The following STPG2 variants were observed in gnomAD, a reference collection of about 807,000 sequenced individuals.
STPG2 encodes the protein sperm tail PG-rich repeat containing 2, also known as sperm-tail PG-rich repeat-containing protein 2.
In STPG2, 56 loss-of-function variants were observed where a neutral mutation model predicts 54.2. That is an observed-to-expected ratio of 1.03 (90% CI 0.83 to 1.29). STPG2 has a LOEUF of 1.29. STPG2 is among the 50% of genes most tolerant of loss of function. The pLI is 0.00. For synonymous variants in STPG2, 200 were observed against 181.8 expected, an observed-to-expected ratio of 1.10 and a Z score of -0.81; for missense variants, 596 against 544.9, an observed-to-expected ratio of 1.09 and a Z score of -0.93.
chr4:98,063,379 G>A (rs965648095), intron 5 of STPG2, among the ~76,000 whole-genome samples: 7 of 151,944 alleles, frequency 4.6e-5, no homozygotes, highest in Non-Finnish European at 1.0e-4. Context: ...AACACGGGAG[G>A]TGGAGATTGC....
intron 9 of STPG2, among the ~76,000 whole-genome samples, chr4:97,797,264 C>T (rs1316907140): frequency 6.6e-6 from 1 of 152,156 alleles, no homozygotes; most frequent in Non-Finnish European, 1.5e-5. Context: ...CTGTCTTGTG[C>T]CAGTTTTCAA....
intron 5 of STPG2, among the ~76,000 whole-genome samples, chr4:98,020,693 A>C (rs1197513440): frequency 6.6e-6 from 1 of 152,160 alleles, no homozygotes; most frequent in Non-Finnish European, 1.5e-5. Context: ...CCACAATTTC[A>C]GATCCTGTTA....
intron 10 of STPG2, among the ~76,000 whole-genome samples, chr4:97,616,898 G>A (rs1268581281): frequency 6.6e-6 from 1 of 152,016 alleles, no homozygotes. Flanking sequence ...TTGTTTTCAG[G>A]AAGAAAGGGG....
intron 10 of STPG2, among the ~76,000 whole-genome samples, chr4:97,565,434 C>T (rs1054775917): frequency 2.6e-5 from 4 of 152,200 alleles, no homozygotes; most frequent in African/African-American, 4.8e-5. Flanking sequence ...TCTCTCAACT[C>T]GTCAAAGTCA....
At chr4:97,753,682 C>T (rs763915042) in intron 9 of STPG2, among the ~76,000 whole-genome samples, 1 of 151,988 alleles carries the variant, frequency 6.6e-6, no homozygotes, top group Non-Finnish European at 1.5e-5. Context: ...CTAGCCAGCA[C>T]TTATTTTCCA....
intron 9 of STPG2, among the ~76,000 whole-genome samples, chr4:97,736,853 G>A (rs566999058): frequency 6.6e-6 from 1 of 152,250 alleles, no homozygotes; most frequent in South Asian, 2.1e-4. Context: ...TTTGAAGAGA[G>A]CAGTGGTTCT....
chr4:97,626,313 ACT>A (rs1734137191), intron 10 of STPG2, among the ~76,000 whole-genome samples: 1 of 152,108 alleles, frequency 6.6e-6, no homozygotes, highest in Non-Finnish European at 1.5e-5. Flanking sequence ...CAGACTTTAC[ACT>A]TTCTTTCCTT....
chr4:97,789,209 GA>G (rs1463875752), intron 9 of STPG2, among the ~76,000 whole-genome samples: 3 of 151,342 alleles, frequency 2.0e-5, no homozygotes, highest in Non-Finnish European at 3.0e-5. Flanking sequence ...GAAATTAAGA[GA>G]AAAAAAGAGG....
chr4:97,854,039 T>C (rs184681232), intron 8 of STPG2, among the ~76,000 whole-genome samples: 53 of 152,266 alleles, frequency 3.5e-4, no homozygotes, highest in Non-Finnish European at 1.5e-5. Context: ...TTCCCCAGGC[T>C]GGTCTTGAAC....
chr4:97,782,007 C>A (rs1277722602), intron 9 of STPG2, among the ~76,000 whole-genome samples: 1 of 152,188 alleles, frequency 6.6e-6, no homozygotes, highest in African/African-American at 2.4e-5. Flanking sequence ...GAAGCATTCC[C>A]TTTGAAAACT....
chr4:97,754,577 C>T (rs970586300), intron 9 of STPG2, among the ~76,000 whole-genome samples: 11 of 151,834 alleles, frequency 7.2e-5, no homozygotes, highest in African/African-American at 1.9e-4. Context: ...AGTCTGAATC[C>T]CCATACTCAG....
intron 10 of STPG2, among the ~76,000 whole-genome samples, chr4:97,606,117 A>G (rs1180668822): frequency 6.6e-6 from 1 of 151,858 alleles, no homozygotes; most frequent in Non-Finnish European, 1.5e-5. Context: ...GATGCTGATG[A>G]TGCCTATTTT....
chr4:97,923,305 C>A (rs900638309), intron 8 of STPG2, among the ~76,000 whole-genome samples: 5 of 151,746 alleles, frequency 3.3e-5, no homozygotes, highest in African/African-American at 7.3e-5. Context: ...CCCTCCCACC[C>A]CCCCCGCCAT....
Position 97,689,569 on chromosome 4 carries a change from G to T in STPG2, c.1320+23130C>A, listed in dbSNP as rs149886656. On this transcript the variant is annotated intron_variant, in intron 10 of 10. Coordinates refer to ENST00000295268, the MANE Select transcript of STPG2 (RefSeq NM_174952.3). ...TATATGACTATTAAATGGTGCATTTGCTAGAAAAGTTTTTTCTCCTCTTTG... is the reference window on the plus strand; with the variant it reads ...TATATGACTATTAAATGGTGCATTTTCTAGAAAAGTTTTTTCTCCTCTTTG... 4.9e-3 allele frequency among the ~76,000 whole-genome samples: 753 copies of T among 152,146 alleles called. 9 individuals are homozygous for T. Among genetic ancestry groups the T allele is most frequent in the African/African-American group, 0.017 (705 of 41,548 alleles).
In STPG2 at chr4:97,940,549, G is replaced by C. The variant is rs529150537; in HGVS notation, c.1044+3348C>G. Among the ~76,000 whole-genome samples the C allele has an allele frequency of 2.0e-5, 3 of 152,140 alleles. No individual in the cohort carries two copies. The South Asian group carries it at 6.2e-4, about 32-fold the overall frequency. ...CTGACTGTCTTATTTCAGAGAACCA[G>C]TCTCCAAATTCTAAGATTCTTTACA... On this transcript the variant is annotated intron_variant, in intron 8 of 10. Transcript: ENST00000295268.
At chr4:97,912,075 C>A (rs1388394414) in intron 8 of STPG2, among the ~76,000 whole-genome samples, 1 of 152,034 alleles carries the variant, frequency 6.6e-6, no homozygotes, top group Non-Finnish European at 1.5e-5. Flanking sequence ...AGTGGACCCC[C>A]CAAAACACGC....
At chr4:97,929,965 T>A in intron 8 of STPG2, among the ~76,000 whole-genome samples, 1 of 152,134 alleles carries the variant, frequency 6.6e-6, no homozygotes, top group East Asian at 1.9e-4. Context: ...ACTGGCATGA[T>A]CTCAGCTCAC....
At chr4:98,113,593 C>G (rs1739422177) in intron 3 of STPG2, among the ~76,000 whole-genome samples, 2 of 152,014 alleles carry the variant, frequency 1.3e-5, no homozygotes, top group African/African-American at 4.8e-5. Flanking sequence ...ATTTGCCCTT[C>G]TTCACTATGG....
intron 8 of STPG2, among the ~76,000 whole-genome samples, chr4:97,863,475 A>C (rs1236907953): frequency 6.6e-6 from 1 of 152,124 alleles, no homozygotes; most frequent in Non-Finnish European, 1.5e-5. Flanking sequence ...AACCAAAAAA[A>C]AGTCCAGGAC....
Sources: allele counts gnomAD v4.1 joint callset (sites outside exome capture counted in the v4.1 genomes callset), GRCh38; gene constraint gnomAD v4.1.1; transcripts MANE v1.5; gene names NCBI Gene and HGNC (gene_info 2026-07-23, HGNC 2026-07-21).